Variants in CNTNAP2 observed in about 807,000 individuals in gnomAD.
CNTNAP2 encodes contactin-associated protein-like 2.
Under a neutral mutation model 155.2 loss-of-function variants are expected in CNTNAP2, and 98 were observed. The observed-to-expected ratio is 0.63, with a 90% CI of 0.54 to 0.75. CNTNAP2 has a LOEUF of 0.75. Among genes scored for constraint, CNTNAP2 ranks in the 30% least tolerant of loss-of-function variants. The pLI, the probability that CNTNAP2 is intolerant of heterozygous loss-of-function variation, is 0.00. For missense variants in CNTNAP2, 1,727 were observed against 1,688.1 expected, an observed-to-expected ratio of 1.02 and a Z score of -0.40; for synonymous variants, 651 against 631.2, an observed-to-expected ratio of 1.03 and a Z score of -0.47.
At chr7:147,680,741 G>A (rs115346104) in intron 13 of CNTNAP2, among the ~76,000 whole-genome samples, 1,674 of 151,758 alleles carry the variant, frequency 0.011, 33 homozygotes, top group African/African-American at 0.039. Context: ...TCTTGCCATT[G>A]CACATGCTCT....
chr7:148,353,314 A>G (rs1798459930), intron 21 of CNTNAP2, among the ~76,000 whole-genome samples: 1 of 152,240 alleles, frequency 6.6e-6, no homozygotes, highest in Non-Finnish European at 1.5e-5. Flanking sequence ...GCACTTCCAC[A>G]TCGGCATGGG....
chr7:147,934,275 G>A (rs1292016379), intron 14 of CNTNAP2, among the ~76,000 whole-genome samples: 2 of 152,144 alleles, frequency 1.3e-5, no homozygotes, highest in East Asian at 3.9e-4. Context: ...AAAGAAAGAG[G>A]TTTAATTGGG....
chr7:147,016,202 G>A (rs984058443), intron 3 of CNTNAP2, among the ~76,000 whole-genome samples: 73 of 151,760 alleles, frequency 4.8e-4, no homozygotes, highest in Non-Finnish European at 1.6e-4. Flanking sequence ...ATGAAAGCGC[G>A]GAAGAACCAG....
chr7:147,051,203 TAA>T (rs1245998914), intron 4 of CNTNAP2, among the ~76,000 whole-genome samples: 1 of 91,228 alleles, frequency 1.1e-5, no homozygotes, highest in Non-Finnish European at 2.0e-5. Flanking sequence ...TATATATATA[TAA>T]ATCATTAAGA....
At chr7:146,441,591 G>A (rs146170107) in intron 1 of CNTNAP2, among the ~76,000 whole-genome samples, 1 of 151,596 alleles carries the variant, frequency 6.6e-6, no homozygotes, top group African/African-American at 2.4e-5. Flanking sequence ...AACCTGGCAT[G>A]CATTTCCTCT....
At chr7:147,644,487 T>G (rs1221124122) in intron 13 of CNTNAP2, among the ~76,000 whole-genome samples, 2 of 152,120 alleles carry the variant, frequency 1.3e-5, no homozygotes, top group African/African-American at 4.8e-5. Context: ...CTGGGTGTGG[T>G]GGCATGCACC....
At chr7:147,024,814 T>C (rs1465937238) in intron 3 of CNTNAP2, among the ~76,000 whole-genome samples, 1 of 152,100 alleles carries the variant, frequency 6.6e-6, no homozygotes, top group Non-Finnish European at 1.5e-5. Context: ...CTGCTCAGTT[T>C]CTGGAGAGGC....
chr7:146,249,677 A>G (rs942580608), intron 1 of CNTNAP2, among the ~76,000 whole-genome samples: 2 of 152,174 alleles, frequency 1.3e-5, no homozygotes. Context: ...ATTTCCACAT[A>G]AGTATTTGAA....
chr7:148,109,701 C>A (rs1206646122), intron 15 of CNTNAP2, among the ~76,000 whole-genome samples: 1 of 152,126 alleles, frequency 6.6e-6, no homozygotes, highest in Non-Finnish European at 1.5e-5. Context: ...ACAGGGAGAA[C>A]ACCTGGAAAT....
chr7:147,929,106 A>AAAAAC (rs1800452042), intron 14 of CNTNAP2, among the ~76,000 whole-genome samples: 1 of 151,284 alleles, frequency 6.6e-6, no homozygotes, highest in Non-Finnish European at 1.5e-5. Context: ...AAAAAAAAAA[A>AAAAAC]AAAAAAAAAA....
chr7:147,554,621 CCCCTT>C (rs1428384518), intron 11 of CNTNAP2, among the ~76,000 whole-genome samples: 6 of 152,124 alleles, frequency 3.9e-5, no homozygotes, highest in Non-Finnish European at 8.8e-5. Context: ...TTTCCTCCCT[CCCCTT>C]GAGGCTTGGA....
At chr7:148,188,082 C>A (rs919159344) in intron 18 of CNTNAP2, among the ~76,000 whole-genome samples, 5 of 152,054 alleles carry the variant, frequency 3.3e-5, no homozygotes, top group African/African-American at 1.2e-4. Flanking sequence ...TTTTAGAGAA[C>A]CCATGAGTTT....
chr7:146,395,106 A>G (rs777943474), intron 1 of CNTNAP2, among the ~76,000 whole-genome samples: 7 of 152,222 alleles, frequency 4.6e-5, no homozygotes, highest in Non-Finnish European at 7.4e-5. Context: ...TTCATGATCT[A>G]TATACATATA....
intron 21 of CNTNAP2, among the ~76,000 whole-genome samples, chr7:148,348,277 A>G (rs961114024): frequency 2.0e-5 from 3 of 152,208 alleles, no homozygotes; most frequent in African/African-American, 7.2e-5. Flanking sequence ...GAGTAAATCC[A>G]TAAAGCCTTA....
chr7:147,971,821 T>A (rs1801339921), intron 14 of CNTNAP2, among the ~76,000 whole-genome samples: 1 of 152,194 alleles, frequency 6.6e-6, no homozygotes, highest in South Asian at 2.1e-4. Context: ...AGAAGTAGAA[T>A]TCTTGAGTCA....
At chr7:146,828,572 C>T (rs1473847190) in intron 2 of CNTNAP2, among the ~76,000 whole-genome samples, 1 of 151,986 alleles carries the variant, frequency 6.6e-6, no homozygotes, top group Non-Finnish European at 1.5e-5. Flanking sequence ...ATTACATTGA[C>T]ATCTGACTAC....
At chr7:146,172,234 T>C (rs1274687281) in intron 1 of CNTNAP2, among the ~76,000 whole-genome samples, 5 of 152,064 alleles carry the variant, frequency 3.3e-5, no homozygotes, top group African/African-American at 1.2e-4. Flanking sequence ...ATAGGATGCC[T>C]CCCAGGAAAC....
chr7:146,748,522 C>A (rs1183560280), intron 1 of CNTNAP2, among the ~76,000 whole-genome samples: 1 of 151,974 alleles, frequency 6.6e-6, no homozygotes, highest in Non-Finnish European at 1.5e-5. Flanking sequence ...CAGCTCTTCT[C>A]GCTGAACAAA....
intron 15 of CNTNAP2, among the ~76,000 whole-genome samples, chr7:148,083,003 G>A (rs1175814890): frequency 6.6e-6 from 1 of 152,054 alleles, no homozygotes; most frequent in Non-Finnish European, 1.5e-5. Flanking sequence ...CTTGGTGGTT[G>A]TAGAGAATGC....
Sources: allele counts gnomAD v4.1 joint callset (sites outside exome capture counted in the v4.1 genomes callset), GRCh38; gene constraint gnomAD v4.1.1; transcripts MANE v1.5; gene names NCBI Gene and HGNC (gene_info 2026-07-23, HGNC 2026-07-21).